Variants in LTO1 observed in about 807,000 individuals in gnomAD.
LTO1 encodes LTO1 maturation factor of ABCE1, also known as protein LTO1 homolog.
LTO1 carries 18 observed loss-of-function variants against 19.8 expected under a neutral mutation model. That is an observed-to-expected ratio of 0.91 (90% CI 0.63 to 1.35). The LOEUF (loss-of-function observed/expected upper bound fraction) is 1.35. LTO1 is among the 40% of genes most tolerant of loss of function. The pLI is 0.00. For missense variants in LTO1, 175 were observed against 167.9 expected, an observed-to-expected ratio of 1.04 and a Z score of -0.23; for synonymous variants, 59 against 59.6, an observed-to-expected ratio of 0.99 and a Z score of 0.05.
At chr11:69,674,978 A>G (rs768703259) in intron 1 of LTO1, 7 of 693,812 alleles carry the variant, frequency 1.0e-5, no homozygotes, top group African/African-American at 5.3e-5. Flanking sequence ...CTGGAAGAGC[A>G]GCTGGGCACG....
chr11:69,671,931 C>G, intron 2 of LTO1, 112 bp from the exon 3 acceptor site: 2 of 724,374 alleles, frequency 2.8e-6, no homozygotes, highest in Middle Eastern at 2.9e-4. Context: ...GCTTCTCACA[C>G]TATTGTTCTG....
In LTO1 at chr11:69,675,286, G is replaced by C; in HGVS notation, c.-47C>G. 7.0e-7 allele frequency: 1 copy of C among 1,430,390 alleles called. No individual in the cohort carries two copies. The highest frequency in any genetic ancestry group is 1.5e-5 in the South Asian group (1 of 68,440). 88.6% of individuals were successfully genotyped at this position (1,430,390 alleles called of 1,614,324 possible). The stretch of plus-strand genomic sequence containing the variant: ...GGCCCCCGGGTTTCTGCAGCCCCGC[G>C]GTGCCGTAGCAGACCCGGCAGCTTC... On this transcript the variant is annotated 5_prime_UTR_variant, in exon 1 of 5. Coordinates refer to ENST00000279147, the MANE Select transcript of LTO1 (RefSeq NM_153451.3).
In LTO1 at chr11:69,666,316, T is replaced by C. The variant is rs572607790; in HGVS notation, c.*1203A>G. On this transcript the variant is annotated 3_prime_UTR_variant, in exon 5 of 5. Transcript: ENST00000279147. ...TGGTTTTAAAACCAAAGTGGATTCA[T>C]GGCGACCCCTTAATAATCTCCTGGA... is the stretch of plus-strand genomic sequence containing the variant. The C allele has an allele frequency of 7.2e-5, 11 of 152,096 alleles. No individual in the cohort carries two copies. The East Asian group carries it at 1.9e-3, about 27-fold the overall frequency. 9.4% of individuals were successfully genotyped at this position (152,096 alleles called of 1,614,324 possible). A position where few individuals can be genotyped will look rare whatever the true frequency, so the allele number is the denominator to read the frequency against.
At chr11:69,671,951 G>T in intron 2 of LTO1, 132 bp from the exon 3 acceptor site, 1 of 673,628 alleles carries the variant, frequency 1.5e-6, no homozygotes. Context: ...GGAAGCACCT[G>T]TTGAGCATTA....
chr11:69,667,956 T>C lies in LTO1; in HGVS notation c.284A>G (p.Asp95Gly), dbSNP rs1235270903. 3 of 1,600,122 alleles carry C rather than the reference T, an allele frequency of 1.9e-6. No homozygotes were observed. Among genetic ancestry groups the C allele is most frequent in the African/African-American group, 1.3e-5 (1 of 74,780 alleles). ...ATGGAGTTTATCGTAAGTAGGGTCA[T>C]CATAAGGGAATTTCTGGATCATTCC... ...LIGMIQKFPY[D>G]DPTYDKLHED... The change falls in exon 4 of 5, where the codon GAT (aspartate) becomes GGT (glycine). Residue 95 changes from aspartate to glycine, a missense_variant. Transcript: ENST00000279147.
At chr11:69,671,609 C>T in intron 3 of LTO1, 140 bp downstream of exon 3, 2 of 655,278 alleles carry the variant, frequency 3.1e-6, no homozygotes, top group Non-Finnish European at 2.8e-6. Context: ...CTCCTAACAA[C>T]ACTCAAGCTT....
At chr11:69,667,616 A>T (rs377101730) in intron 4 of LTO1, 29 bp from the exon 5 acceptor site, 1 of 1,482,708 alleles carries the variant, frequency 6.7e-7, no homozygotes, top group African/African-American at 1.4e-5. Flanking sequence ...TGGTATTTTT[A>T]ATCTTGTGCA....
At chr11:69,670,386 G>A (rs375133701) in intron 3 of LTO1, among the ~76,000 whole-genome samples, 1 of 152,186 alleles carries the variant, frequency 6.6e-6, no homozygotes, top group East Asian at 1.9e-4. Context: ...CTGGAGTTGA[G>A]AGCCAGGCTC....
At chr11:69,673,089 C>T (rs563320439) in intron 2 of LTO1, 127 bp downstream of exon 2, 13 of 725,146 alleles carry the variant, frequency 1.8e-5, no homozygotes, top group Non-Finnish European at 3.3e-5. Flanking sequence ...AGGTGTGAGT[C>T]ACCGCGCCCA....
chr11:69,671,509 A>G (rs996002553), intron 3 of LTO1: 7 of 461,036 alleles, frequency 1.5e-5, no homozygotes, highest in African/African-American at 7.8e-5. Context: ...AAAAGGCAGG[A>G]GCATAGAACT....
chr11:69,667,543 T>C lies in LTO1; in HGVS notation c.390A>G (p.Ala130=). ...CTCAAAATGAAAGTCCGGAACCTTC[T>C]GCACTAATTTTAAAGTCTGGCTGAA... ...LNVQPDFKIS[A]EGSGLSF The change falls in exon 5 of 5, where the codon GCA becomes GCG. Residue 130 remains alanine, a synonymous_variant. Coordinates refer to ENST00000279147, the MANE Select transcript of LTO1 (RefSeq NM_153451.3). The C allele has an allele frequency of 6.2e-7, 1 of 1,611,268 alleles. No homozygotes were observed. The highest frequency in any genetic ancestry group is 8.5e-7 in the Non-Finnish European group (1 of 1,177,334).
intron 2 of LTO1, 54 bp from the exon 3 acceptor site, chr11:69,671,873 T>G: frequency 1.0e-6 from 1 of 1,002,544 alleles, no homozygotes; most frequent in Non-Finnish European, 1.6e-6. Flanking sequence ...TAGCTACACT[T>G]TCATTACCAA....
At chr11:69,672,396 C>T (rs1022097889) in intron 2 of LTO1, 2 of 158,836 alleles carry the variant, frequency 1.3e-5, no homozygotes, top group African/African-American at 2.4e-5. Flanking sequence ...CTGTGTTAAG[C>T]CCATGAATTT....
At chr11:69,667,710 C>T (rs2119834436) in intron 4 of LTO1, 123 bp from the exon 5 acceptor site, 1 of 752,804 alleles carries the variant, frequency 1.3e-6, no homozygotes, top group Non-Finnish European at 2.3e-6. Context: ...TGAGTTCTAA[C>T]TCCTTTTCTC....
In LTO1 at chr11:69,666,216, C is replaced by T. The variant is rs1279542550; in HGVS notation, c.*1303G>A. 1 of 152,248 alleles carries T rather than the reference C, an allele frequency of 6.6e-6. No homozygotes were observed. The highest frequency in any genetic ancestry group is 1.5e-5 in the Non-Finnish European group (1 of 68,064). The allele number at this position is 152,248 out of a possible 1,614,324, so 9.4% of individuals were successfully genotyped here. A position where few individuals can be genotyped will look rare whatever the true frequency, so the allele number is the denominator to read the frequency against. On this transcript the variant is annotated 3_prime_UTR_variant, in exon 5 of 5. Coordinates refer to ENST00000279147, the MANE Select transcript of LTO1 (RefSeq NM_153451.3). ...GTGGAGATCCACCTGCCGCTGCTCC[C>T]GCGGGGGTCACTTCTCTGGCTCCTG...
intron 3 of LTO1, among the ~76,000 whole-genome samples, chr11:69,670,297 T>C (rs567573539): frequency 8.9e-4 from 135 of 152,334 alleles, no homozygotes; most frequent in African/African-American, 3.2e-3. Context: ...GGAGCACTTC[T>C]CCAGGAGCCG....
intron 1 of LTO1, 167 bp downstream of exon 1, chr11:69,675,023 G>C: frequency 1.4e-6 from 1 of 704,544 alleles, no homozygotes; most frequent in East Asian, 2.7e-5. Flanking sequence ...AAGAGGACCA[G>C]AGCATCAGGC....
chr11:69,668,670 G>C (rs1394924716), intron 3 of LTO1, among the ~76,000 whole-genome samples: 1 of 98,788 alleles, frequency 1.0e-5, no homozygotes, highest in Non-Finnish European at 2.4e-5. Flanking sequence ...ATTAATTTCT[G>C]TTTTGTTTTT....
At chr11:69,672,841 C>T (rs1053090410) in intron 2 of LTO1, 18 of 320,464 alleles carry the variant, frequency 5.6e-5, no homozygotes, top group African/African-American at 2.8e-4. Context: ...TTCATCCTGT[C>T]GCCCAGGCTG....
Sources: allele counts gnomAD v4.1 joint callset (sites outside exome capture counted in the v4.1 genomes callset), GRCh38; gene constraint gnomAD v4.1.1; transcripts MANE v1.5; gene names NCBI Gene and HGNC (gene_info 2026-07-23, HGNC 2026-07-21).